PKNOX2: variants seen among roughly 807,000 people sequenced by gnomAD.
PKNOX2 encodes the protein homeobox protein PKNOX2.
A neutral mutation model predicts 53.1 loss-of-function variants in PKNOX2; 14 were observed. That is an observed-to-expected ratio of 0.26 (90% CI 0.17 to 0.41). The LOEUF (loss-of-function observed/expected upper bound fraction) is 0.41, where lower values mean the gene tolerates loss of function less well. Among genes scored for constraint, PKNOX2 ranks in the 10% least tolerant of loss-of-function variants. The pLI is 1.00. For missense variants in PKNOX2, 496 were observed against 602.8 expected (o/e 0.82, Z 1.85); for synonymous variants, 257 against 242.8 (o/e 1.06, Z -0.54).
At chr11:125,322,557 G>T (rs1485563802) in intron 2 of PKNOX2, among the ~76,000 whole-genome samples, 1 of 152,172 alleles carries the variant, frequency 6.6e-6, no homozygotes, top group Non-Finnish European at 1.5e-5. Flanking sequence ...CTGCTCTCGT[G>T]GGGGTTTAAT....
At chr11:125,390,673 G>T (rs1299944378) in intron 6 of PKNOX2, among the ~76,000 whole-genome samples, 1 of 152,148 alleles carries the variant, frequency 6.6e-6, no homozygotes, top group Non-Finnish European at 1.5e-5. Flanking sequence ...AGAAATCAAG[G>T]ACTAAGAACC....
rs1186271214 is a variant in PKNOX2, at chr11:125,345,054, G to A, written c.-22-6230G>A. On this transcript the variant is annotated intron_variant, in intron 3 of 12. Transcript: ENST00000298282. ...TCTCCATTTCCCCCCATCAGCCTAG[G>A]ATCAGAAAGACAGGCAGAGAGCAGC... is the stretch of plus-strand genomic sequence containing the variant. Among the ~76,000 whole-genome samples the A allele has an allele frequency of 3.3e-5, 5 of 152,218 alleles. No homozygotes were observed. The South Asian group carries it at 6.2e-4, about 19-fold the overall frequency.
chr11:125,394,244 C>T (rs908375334), intron 6 of PKNOX2, among the ~76,000 whole-genome samples: 1 of 152,190 alleles, frequency 6.6e-6, no homozygotes. Flanking sequence ...GAACATTAGG[C>T]AAGAACAAAT....
chr11:125,226,307 C>T lies in PKNOX2; in HGVS notation c.-200-8738C>T, dbSNP rs148858754. ...TCTTCTCCACTGATTTTTAACCTCTCAGGGGATGTGGATAGCCTTGAAATC... is the reference window on the plus strand; with the variant it reads ...TCTTCTCCACTGATTTTTAACCTCTTAGGGGATGTGGATAGCCTTGAAATC... On this transcript the variant is annotated intron_variant, in intron 1 of 12. Coordinates refer to ENST00000298282, the MANE Select transcript of PKNOX2 (RefSeq NM_001382323.2). Among the ~76,000 whole-genome samples, 716 of 152,272 alleles carry T rather than the reference C, an allele frequency of 4.7e-3. 12 individuals are homozygous for T. Among genetic ancestry groups the T allele is most frequent in the African/African-American group, 0.017 (695 of 41,534 alleles).
intron 2 of PKNOX2, among the ~76,000 whole-genome samples, chr11:125,268,689 G>A (rs1004606552): frequency 6.7e-6 from 1 of 148,450 alleles, no homozygotes; most frequent in African/African-American, 2.5e-5. Context: ...AGGGGGGCCT[G>A]GGGCTGTGTG....
At chr11:125,322,058 T>C (rs75226284) in intron 2 of PKNOX2, among the ~76,000 whole-genome samples, 2,504 of 152,260 alleles carry the variant, frequency 0.016, 64 homozygotes, top group African/African-American at 0.057. Context: ...CAGGTTTCCA[T>C]GCAAGTTTTG....
In PKNOX2 at chr11:125,412,858, C is replaced by A. The variant is rs531022229; in HGVS notation, c.936+993C>A. 3.9e-5 allele frequency among the ~76,000 whole-genome samples: 6 copies of A among 152,260 alleles called. No individual in the cohort carries two copies. The East Asian group carries it at 1.2e-3, about 29-fold the overall frequency. On this transcript the variant is annotated intron_variant, in intron 10 of 12. Coordinates refer to ENST00000298282, the MANE Select transcript of PKNOX2 (RefSeq NM_001382323.2). Reference sequence around the variant, plus strand: ...AGAAAAATCGAATGGGCCATGGAAACTAATTAGTCCATCAACAGCCGTTGT... The same window carrying A: ...AGAAAAATCGAATGGGCCATGGAAAATAATTAGTCCATCAACAGCCGTTGT...
chr11:125,204,599 T>C (rs1938850273), intron 1 of PKNOX2, among the ~76,000 whole-genome samples: 1 of 152,176 alleles, frequency 6.6e-6, no homozygotes, highest in Admixed American at 6.5e-5. Flanking sequence ...TCTGGGGAAG[T>C]CGATGGCTCT....
At chr11:125,266,211 C>G (rs114620887) in intron 2 of PKNOX2, among the ~76,000 whole-genome samples, 1 of 152,178 alleles carries the variant, frequency 6.6e-6, no homozygotes, top group Non-Finnish European at 1.5e-5. Context: ...CCTCCTCCCC[C>G]GTCAGTGGTA....
intron 5 of PKNOX2, among the ~76,000 whole-genome samples, chr11:125,383,295 C>T (rs901888620): frequency 1.3e-5 from 2 of 151,944 alleles, no homozygotes; most frequent in Admixed American, 6.6e-5. Flanking sequence ...GGAGGGGAGA[C>T]CATTGCCTGT....
intron 2 of PKNOX2, among the ~76,000 whole-genome samples, chr11:125,274,349 G>A (rs151192175): frequency 1.3e-4 from 20 of 152,204 alleles, no homozygotes; most frequent in East Asian, 3.9e-4. Context: ...AAGGGATATC[G>A]AGCTCCACAT....
chr11:125,410,410 T>C (rs1220708062), intron 8 of PKNOX2, 85 bp downstream of exon 8: 4 of 1,561,280 alleles, frequency 2.6e-6, no homozygotes, highest in South Asian at 1.1e-5. Flanking sequence ...GGGGTGGGGG[T>C]TGTCCTCCAC....
intron 1 of PKNOX2, among the ~76,000 whole-genome samples, chr11:125,176,403 C>T (rs1955705676): frequency 6.6e-6 from 1 of 152,160 alleles, no homozygotes; most frequent in Admixed American, 6.5e-5. Flanking sequence ...TGGGTTCCTG[C>T]CGGGAGGGCT....
intron 1 of PKNOX2, among the ~76,000 whole-genome samples, chr11:125,169,192 T>G (rs1029793848): frequency 3.9e-5 from 6 of 152,194 alleles, no homozygotes; most frequent in Non-Finnish European, 8.8e-5. Context: ...AAAACGATGC[T>G]GCAGAGGAAA....
chr11:125,295,593 G>A (rs920360336), intron 2 of PKNOX2, among the ~76,000 whole-genome samples: 1 of 152,204 alleles, frequency 6.6e-6, no homozygotes, highest in African/African-American at 2.4e-5. Flanking sequence ...TGGGAGAGGA[G>A]GGAAGCAGCA....
At chr11:125,211,054 A>G (rs555864015) in intron 1 of PKNOX2, among the ~76,000 whole-genome samples, 3 of 152,302 alleles carry the variant, frequency 2.0e-5, no homozygotes, top group East Asian at 1.9e-4. Flanking sequence ...TGCCTAGCAC[A>G]GTGCACAGCA....
intron 3 of PKNOX2, among the ~76,000 whole-genome samples, chr11:125,343,939 A>G (rs764418391): frequency 2.6e-5 from 4 of 152,070 alleles, no homozygotes; most frequent in Non-Finnish European, 5.9e-5. Context: ...CATGGCTGTC[A>G]GCAAAGGGCA....
chr11:125,276,329 G>A (rs1038814800), intron 2 of PKNOX2, among the ~76,000 whole-genome samples: 1 of 152,180 alleles, frequency 6.6e-6, no homozygotes, highest in Admixed American at 6.5e-5. Flanking sequence ...CTCCTAAAGA[G>A]GTGGAAAATG....
chr11:125,356,361 G>T (rs907632941), intron 4 of PKNOX2, among the ~76,000 whole-genome samples: 1 of 152,202 alleles, frequency 6.6e-6, no homozygotes, highest in Non-Finnish European at 1.5e-5. Context: ...GCATTGAAAG[G>T]GTTTGGGAAG....
Sources: allele counts gnomAD v4.1 joint callset (sites outside exome capture counted in the v4.1 genomes callset), GRCh38; gene constraint gnomAD v4.1.1; transcripts MANE v1.5; gene names NCBI Gene and HGNC (gene_info 2026-07-23, HGNC 2026-07-21).